CDH13: variants seen among roughly 807,000 people sequenced by gnomAD.
CDH13 encodes the protein cadherin 13.
CDH13 carries 24 observed loss-of-function variants against 63.8 expected under a neutral mutation model. The ratio of observed to expected loss-of-function variants is 0.38; its 90% CI spans 0.27 to 0.53. The LOEUF (loss-of-function observed/expected upper bound fraction) is 0.53, where lower values mean the gene tolerates loss of function less well. CDH13 is among the 20% of genes least tolerant of loss of function. The pLI, the probability that CDH13 is intolerant of heterozygous loss-of-function variation, is 0.85. For synonymous variants in CDH13, 503 were observed against 355.3 expected (o/e 1.42, Z -4.67); for missense variants, 1,049 against 903.1 (o/e 1.16, Z -2.07).
chr16:83,225,353 C>T (rs1425122636), intron 5 of CDH13, among the ~76,000 whole-genome samples: 1 of 152,168 alleles, frequency 6.6e-6, no homozygotes, highest in African/African-American at 2.4e-5. Flanking sequence ...AAGCCCTCTC[C>T]ATCCAATTCC....
chr16:83,188,801 A>C (rs1038672324), intron 4 of CDH13, among the ~76,000 whole-genome samples: 1 of 152,150 alleles, frequency 6.6e-6, no homozygotes, highest in Non-Finnish European at 1.5e-5. Flanking sequence ...TTTTATAAGC[A>C]ATTATTACGG....
At chr16:83,177,652 A>C (rs1409718253) in intron 4 of CDH13, among the ~76,000 whole-genome samples, 2 of 152,198 alleles carry the variant, frequency 1.3e-5, no homozygotes, top group Non-Finnish European at 1.5e-5. Flanking sequence ...CATTGTAGCA[A>C]GGTCCCCTCC....
At chr16:82,866,772 G>C (rs924065278) in intron 2 of CDH13, among the ~76,000 whole-genome samples, 1 of 152,092 alleles carries the variant, frequency 6.6e-6, no homozygotes, top group Non-Finnish European at 1.5e-5. Context: ...TTCTTCACAA[G>C]GAGGCAGGAA....
intron 5 of CDH13, among the ~76,000 whole-genome samples, chr16:83,316,796 C>A (rs890926111): frequency 6.6e-6 from 1 of 152,180 alleles, no homozygotes; most frequent in Non-Finnish European, 1.5e-5. Context: ...AAACAAACAA[C>A]TTCAAAATCA....
chr16:82,719,247 G>A, intron 1 of CDH13: 3 of 370,706 alleles, frequency 8.1e-6, no homozygotes, highest in South Asian at 6.3e-5. Flanking sequence ...TCACATCACT[G>A]CCATTGGCCT....
intron 6 of CDH13, among the ~76,000 whole-genome samples, chr16:83,368,050 T>C (rs1192220838): frequency 2.6e-5 from 4 of 152,360 alleles, no homozygotes; most frequent in African/African-American, 9.6e-5. Flanking sequence ...ATTGAATTAT[T>C]TTCTTAATTT....
At position 83,708,254 on chromosome 16, in the gene CDH13, C is replaced by G. The variant is rs367654141; in HGVS notation, c.1538+29793C>G. On this transcript the variant is annotated intron_variant, in intron 10 of 13. Transcript: ENST00000567109. ...GCACAAGCTCCTCTCAAATACTTCC[C>G]AGGACCTCACCGTAAGGGACAGTCA... Among the ~76,000 whole-genome samples the G allele has an allele frequency of 7.9e-5, 12 of 152,334 alleles. No homozygotes were observed. In the East Asian group the frequency reaches 2.1e-3, roughly 27 times the overall value.
rs533649340 is a variant in CDH13, at chr16:82,795,969, C to G, written c.46-62393C>G. On this transcript the variant is annotated intron_variant, in intron 1 of 13. Transcript: ENST00000567109. ...CTTTTTTTTTTTTTTTTTCATTCAA[C>G]AAACATTTATTGATCTTCTAATGTT... 2.2e-4 allele frequency among the ~76,000 whole-genome samples: 30 copies of G among 135,314 alleles called. 1 individual carries two copies. The highest frequency in any genetic ancestry group is 9.7e-4 in the Admixed American group (13 of 13,466). 88.8% of individuals were successfully genotyped at this position (135,314 alleles called of 152,430 possible). A position where few individuals can be genotyped will look rare whatever the true frequency, so the allele number is the denominator to read the frequency against.
At chr16:83,404,085 A>G (rs1379796120) in intron 6 of CDH13, among the ~76,000 whole-genome samples, 2 of 152,216 alleles carry the variant, frequency 1.3e-5, no homozygotes, top group Non-Finnish European at 2.9e-5. Flanking sequence ...CCCACAAAAA[A>G]TGTTCATACA....
intron 2 of CDH13, among the ~76,000 whole-genome samples, chr16:82,963,722 G>GCAGTCCAT: frequency 6.6e-6 from 1 of 152,260 alleles, no homozygotes; most frequent in East Asian, 1.9e-4. Context: ...TGTACAGTAA[G>GCAGTCCAT]CAGTCCATAA....
At chr16:82,671,863 G>C (rs958191048) in intron 1 of CDH13, among the ~76,000 whole-genome samples, 2 of 152,142 alleles carry the variant, frequency 1.3e-5, no homozygotes, top group Admixed American at 6.5e-5. Flanking sequence ...CAAGAATAAA[G>C]AAAAGAGAAA....
At chr16:83,496,691 C>G (rs2074153075) in intron 7 of CDH13, among the ~76,000 whole-genome samples, 1 of 152,118 alleles carries the variant, frequency 6.6e-6, no homozygotes, top group African/African-American at 2.4e-5. Flanking sequence ...AGCTTCTGCA[C>G]AGCAAAAGAA....
At chr16:83,154,618 G>A (rs961069352) in intron 4 of CDH13, among the ~76,000 whole-genome samples, 6 of 151,844 alleles carry the variant, frequency 4.0e-5, no homozygotes, top group South Asian at 2.1e-4. Flanking sequence ...AAGATTAGGA[G>A]GCCGTAGTGT....
intron 3 of CDH13, among the ~76,000 whole-genome samples, chr16:83,045,386 C>G (rs138500411): frequency 1.3e-5 from 2 of 152,024 alleles, no homozygotes; most frequent in African/African-American, 2.4e-5. Context: ...AACCTGTAAT[C>G]CTAGCACTTT....
intron 6 of CDH13, among the ~76,000 whole-genome samples, chr16:83,369,517 C>G (rs142124035): frequency 6.6e-6 from 1 of 152,042 alleles, no homozygotes; most frequent in Admixed American, 6.6e-5. Context: ...CTCCAAGGCT[C>G]GGGTCATCCT....
intron 7 of CDH13, among the ~76,000 whole-genome samples, chr16:83,594,791 T>G (rs1907100619): frequency 6.6e-6 from 1 of 152,218 alleles, no homozygotes; most frequent in Non-Finnish European, 1.5e-5. Flanking sequence ...CATACCTGTG[T>G]GGAAGTCATT....
chr16:83,632,194 G>A (rs1272247387), intron 8 of CDH13, among the ~76,000 whole-genome samples: 2 of 152,312 alleles, frequency 1.3e-5, no homozygotes, highest in African/African-American at 4.8e-5. Flanking sequence ...TAGAAGGGCT[G>A]TTTTTATTTC....
At chr16:83,383,694 G>A (rs971364037) in intron 6 of CDH13, among the ~76,000 whole-genome samples, 12 of 152,102 alleles carry the variant, frequency 7.9e-5, no homozygotes, top group Non-Finnish European at 4.4e-5. Flanking sequence ...ATTTGGCCAG[G>A]GGGAGCCTGG....
chr16:83,394,907 G>A (rs1378846119), intron 6 of CDH13, among the ~76,000 whole-genome samples: 1 of 152,138 alleles, frequency 6.6e-6, no homozygotes, highest in African/African-American at 2.4e-5. Context: ...CAACACTCTG[G>A]GAGGCCAAGA....
Sources: gnomAD v4.1 joint callset for allele counts (sites outside exome capture counted in the v4.1 genomes callset) on GRCh38, gnomAD v4.1.1 for gene constraint, MANE v1.5 for transcripts, NCBI Gene and HGNC (gene_info 2026-07-23, HGNC 2026-07-21) for gene names.